CHSY3: variants seen among roughly 807,000 people sequenced by gnomAD.
CHSY3 encodes N-acetylgalactosaminyl-proteoglycan 3-beta-glucuronosyltransferase 3.
A neutral mutation model predicts 67.2 loss-of-function variants in CHSY3; 35 were observed. The observed-to-expected ratio is 0.52, with a 90% CI of 0.40 to 0.69. The LOEUF is 0.69. Among genes scored for constraint, CHSY3 ranks in the 30% least tolerant of loss-of-function variants. The probability of loss-of-function intolerance (pLI) is 0.00; values close to 1 mark genes in which losing one functional copy is unlikely to be tolerated. For synonymous variants in CHSY3, 474 were observed against 434.7 expected, an observed-to-expected ratio of 1.09 and a Z score of -1.12; for missense variants, 1,069 against 1,138.5, an observed-to-expected ratio of 0.94 and a Z score of 0.88.
In CHSY3 at chr5:130,184,551, C is replaced by T; in HGVS notation, c.1409C>T (p.Thr470Ile). Residue 470 changes from threonine (T) to isoleucine (I), a missense_variant, in exon 3 of 3, where the codon ACA becomes ATA. Thr to Ile is a moderately conservative substitution (Grantham distance 89). Coordinates refer to ENST00000305031, the MANE Select transcript of CHSY3 (RefSeq NM_175856.5). ...GAAGTGATAGAATGGGAGTTCCTGA[C>T]AGGGAAGCTTCTATACTCAGCAGCT... ...RNEVIEWEFLTGKLLYSAAEN... is the reference protein window; with the variant it reads ...RNEVIEWEFLIGKLLYSAAEN... 1.2e-6 allele frequency: 2 copies of T among 1,611,324 alleles called. No homozygotes were observed. Among genetic ancestry groups the T allele is most frequent in the Non-Finnish European group, 8.5e-7 (1 of 1,177,472 alleles).
intron 2 of CHSY3, among the ~76,000 whole-genome samples, chr5:130,040,221 T>G (rs531631110): frequency 6.6e-5 from 10 of 152,106 alleles, no homozygotes; most frequent in Admixed American, 1.3e-4. Context: ...AATTCCATTT[T>G]CAGCCACTAA....
chr5:129,943,082 A>G (rs768650147), intron 2 of CHSY3, among the ~76,000 whole-genome samples: 2 of 152,176 alleles, frequency 1.3e-5, no homozygotes, highest in South Asian at 2.1e-4. Flanking sequence ...ATGCCATTAT[A>G]ACAGTTTTGG....
intron 2 of CHSY3, among the ~76,000 whole-genome samples, chr5:129,985,968 A>C (rs74584639): frequency 0.016 from 2,438 of 152,244 alleles, 52 homozygotes; most frequent in African/African-American, 0.054. Context: ...GTATCATATT[A>C]TCTGCGAAGA....
intron 2 of CHSY3, among the ~76,000 whole-genome samples, chr5:130,050,477 T>A (rs991434751): frequency 6.6e-6 from 1 of 152,164 alleles, no homozygotes; most frequent in African/African-American, 2.4e-5. Flanking sequence ...CCAGCTGCTC[T>A]TTTTAAATAC....
chr5:130,020,923 C>T (rs1418504538), intron 2 of CHSY3, among the ~76,000 whole-genome samples: 1 of 151,942 alleles, frequency 6.6e-6, no homozygotes, highest in Non-Finnish European at 1.5e-5. Context: ...TTTTTTTCTT[C>T]TCAACTCTTT....
At chr5:130,179,966 T>A (rs1170641184) in intron 2 of CHSY3, among the ~76,000 whole-genome samples, 3 of 152,228 alleles carry the variant, frequency 2.0e-5, no homozygotes, top group African/African-American at 7.2e-5. Context: ...GTTTAATTCT[T>A]TCTGTACCTG....
rs1487491523 is a variant in CHSY3 at position 130,185,666 on chromosome 5, T to C, written c.2524T>C (p.Leu842=). 1 of 1,613,970 alleles carries C rather than the reference T, an allele frequency of 6.2e-7. No individual in the cohort carries two copies. ...CCATCCAGTTCATTGTGATCCTAAC[T>C]TGGACCCTAAGCAGTATAAGATGTG... ...IFHPVHCDPN[L]DPKQYKMCLG... Residue 842 remains leucine (L), a synonymous_variant, in exon 3 of 3, where the codon TTG becomes CTG. Coordinates refer to ENST00000305031, the MANE Select transcript of CHSY3 (RefSeq NM_175856.5).
Position 130,104,059 on chromosome 5 carries a change from C to T in CHSY3, c.1087-80170C>T, listed in dbSNP as rs560096445. Among the ~76,000 whole-genome samples, 26 of 151,948 alleles carry T rather than the reference C, an allele frequency of 1.7e-4. 1 individual carries two copies. In the South Asian group the frequency reaches 5.4e-3, roughly 32 times the overall value. On this transcript the variant is annotated intron_variant, in intron 2 of 2. Coordinates refer to ENST00000305031, the MANE Select transcript of CHSY3 (RefSeq NM_175856.5). ...TCTGCTAGTTTGGTTGTTAGCCCAA[C>T]CCATTTTTATGTTACCTTTAGTTTA...
rs73241703 is a variant in CHSY3 at position 129,931,375 on chromosome 5, G to A, written c.1086+23015G>A. ...TCATTAAGTGCTTGATAAGTTATAC[G>A]TGGGCTTTGAATAGTTCTATTTTCT... On this transcript the variant is annotated intron_variant, in intron 2 of 2. Coordinates refer to ENST00000305031, the MANE Select transcript of CHSY3 (RefSeq NM_175856.5). Among the ~76,000 whole-genome samples, 1,476 of 152,134 alleles carry A rather than the reference G, an allele frequency of 9.7e-3. 22 individuals carry two copies. Among genetic ancestry groups the A allele is most frequent in the African/African-American group, 0.034 (1,393 of 41,492 alleles).
At chr5:130,025,516 A>G (rs1764515985) in intron 2 of CHSY3, among the ~76,000 whole-genome samples, 1 of 152,066 alleles carries the variant, frequency 6.6e-6, no homozygotes, top group Non-Finnish European at 1.5e-5. Context: ...AAACAGTGAT[A>G]TTGTCTTAGT....
At chr5:130,000,684 C>T (rs1371212431) in intron 2 of CHSY3, among the ~76,000 whole-genome samples, 1 of 150,096 alleles carries the variant, frequency 6.7e-6, no homozygotes, top group Non-Finnish European at 1.5e-5. Context: ...GCCATCCTCT[C>T]ACCTGAGCTC....
intron 2 of CHSY3, among the ~76,000 whole-genome samples, chr5:130,158,848 G>A (rs1377752672): frequency 2.6e-5 from 4 of 152,158 alleles, no homozygotes; most frequent in African/African-American, 2.4e-5. Flanking sequence ...TGGCCAAGCT[G>A]GAGTGCAGTG....
intron 2 of CHSY3, among the ~76,000 whole-genome samples, chr5:130,074,509 A>G (rs979553432): frequency 3.3e-5 from 5 of 152,218 alleles, no homozygotes; most frequent in Non-Finnish European, 7.3e-5. Flanking sequence ...TGCTCTCTTA[A>G]TATTTAGGAA....
chr5:130,174,922 A>AC (rs1261817592), intron 2 of CHSY3, among the ~76,000 whole-genome samples: 4 of 152,038 alleles, frequency 2.6e-5, no homozygotes, highest in Non-Finnish European at 4.4e-5. Context: ...ATGCACATGC[A>AC]CCCCCCTGAA....
intron 2 of CHSY3, among the ~76,000 whole-genome samples, chr5:130,112,401 C>T (rs991671193): frequency 6.6e-6 from 1 of 152,046 alleles, no homozygotes; most frequent in Non-Finnish European, 1.5e-5. Flanking sequence ...CGGATTTCCA[C>T]AGTTTCATAG....
chr5:129,924,726 T>C (rs538823557), intron 2 of CHSY3, among the ~76,000 whole-genome samples: 78 of 152,070 alleles, frequency 5.1e-4, no homozygotes, highest in Non-Finnish European at 9.7e-4. Context: ...TCTTTTTTTT[T>C]ACTTTAATGC....
chr5:130,149,487 G>A (rs2149723458), intron 2 of CHSY3, among the ~76,000 whole-genome samples: 1 of 152,264 alleles, frequency 6.6e-6, no homozygotes, highest in South Asian at 2.1e-4. Context: ...GATCTTGCAT[G>A]AACTCGGAGC....
At chr5:129,924,492 A>G (rs1168548648) in intron 2 of CHSY3, among the ~76,000 whole-genome samples, 2 of 151,862 alleles carry the variant, frequency 1.3e-5, no homozygotes, top group Non-Finnish European at 2.9e-5. Flanking sequence ...CTAAAAATAC[A>G]AGCATTAGCC....
intron 2 of CHSY3, among the ~76,000 whole-genome samples, chr5:130,024,154 A>AAAAT (rs10685734): frequency 6.6e-6 from 1 of 150,614 alleles, no homozygotes; most frequent in East Asian, 1.9e-4. Context: ...AAAAAAAAAA[A>AAAAT]GCCTGTCTTG....
Sources: gnomAD v4.1 joint callset for allele counts (sites outside exome capture counted in the v4.1 genomes callset) on GRCh38, gnomAD v4.1.1 for gene constraint, MANE v1.5 for transcripts, NCBI Gene and HGNC (gene_info 2026-07-23, HGNC 2026-07-21) for gene names.